NWD1: variants seen among roughly 807,000 people sequenced by gnomAD.
NWD1 encodes NACHT and WD repeat domain containing 1.
In NWD1, 129 loss-of-function variants were observed where a neutral mutation model predicts 135.1. The ratio of observed to expected loss-of-function variants is 0.96; its 90% CI spans 0.83 to 1.11. NWD1 has a LOEUF of 1.11. Ranked by LOEUF, NWD1 falls within the 50% of genes least tolerant of loss-of-function variation. The pLI is 0.00. For missense variants in NWD1, 1,740 were observed against 1,851.3 expected (o/e 0.94, Z 1.10); for synonymous variants, 773 against 786.0 (o/e 0.98, Z 0.28).
At chr19:16,735,309 G>C (rs1461732857) in intron 3 of NWD1, among the ~76,000 whole-genome samples, 1 of 152,036 alleles carries the variant, frequency 6.6e-6, no homozygotes, top group Non-Finnish European at 1.5e-5. Context: ...TTTGAGACCA[G>C]CCTGGCCAAC....
chr19:16,766,016 C>CAAAAAAAAA (rs35265751), intron 10 of NWD1, among the ~76,000 whole-genome samples: 4 of 91,688 alleles, frequency 4.4e-5, no homozygotes, highest in Non-Finnish European at 1.0e-4. Context: ...GACTCCGTCT[C>CAAAAAAAAA]AAAAAAAAAA....
At chr19:16,737,964 C>CAA (rs147713373) in intron 4 of NWD1, among the ~76,000 whole-genome samples, 1 of 124,540 alleles carries the variant, frequency 8.0e-6, no homozygotes, top group Admixed American at 8.2e-5. Context: ...GACTCTATCT[C>CAA]GAAAAGAAAA....
intron 3 of NWD1, among the ~76,000 whole-genome samples, chr19:16,734,568 T>TC (rs937824622): frequency 6.7e-6 from 1 of 150,348 alleles, no homozygotes; most frequent in Non-Finnish European, 1.5e-5. Context: ...TCTTTTTTTT[T>TC]TTCTTTTTTC....
intron 13 of NWD1, 23 bp from the exon 14 acceptor site, chr19:16,791,327 C>T: frequency 6.2e-7 from 1 of 1,604,480 alleles, no homozygotes. Flanking sequence ...CAAGATGCTG[C>T]TTCCTCTTCA....
At chr19:16,748,798 TG>T in intron 5 of NWD1, among the ~76,000 whole-genome samples, 1 of 152,138 alleles carries the variant, frequency 6.6e-6, no homozygotes, top group Admixed American at 6.6e-5. Context: ...CACTCCAGCC[TG>T]GGTGACAGAG....
chr19:16,766,657 C>G (rs1319915803), intron 10 of NWD1, among the ~76,000 whole-genome samples: 1 of 152,038 alleles, frequency 6.6e-6, no homozygotes, highest in Non-Finnish European at 1.5e-5. Flanking sequence ...ATGATCTCAG[C>G]TCACTGCAAC....
intron 10 of NWD1, 51 bp from the exon 11 acceptor site, chr19:16,773,075 G>A: frequency 6.7e-7 from 1 of 1,502,226 alleles, no homozygotes; most frequent in South Asian, 1.1e-5. Context: ...TTGGCAGGGA[G>A]GGTAGAGGGG....
chr19:16,790,249 A>T (rs1036409803), intron 13 of NWD1, among the ~76,000 whole-genome samples: 1 of 152,122 alleles, frequency 6.6e-6, no homozygotes, highest in African/African-American at 2.4e-5. Flanking sequence ...GTCATTCACC[A>T]TTCTGAGTCT....
At chr19:16,799,601 G>A (rs995088720) in intron 16 of NWD1, among the ~76,000 whole-genome samples, 3 of 151,986 alleles carry the variant, frequency 2.0e-5, no homozygotes, top group African/African-American at 7.3e-5. Flanking sequence ...CCACCTCCCG[G>A]GTTCAAGCGA....
At chr19:16,768,953 C>T (rs550267371) in intron 10 of NWD1, among the ~76,000 whole-genome samples, 2 of 152,316 alleles carry the variant, frequency 1.3e-5, no homozygotes, top group South Asian at 4.1e-4. Flanking sequence ...TGCTGTCTCT[C>T]CTCCAGACAG....
chr19:16,737,041 C>T (rs1397035700), intron 4 of NWD1, among the ~76,000 whole-genome samples: 2 of 151,998 alleles, frequency 1.3e-5, no homozygotes, highest in African/African-American at 4.8e-5. Context: ...CCTTCCCCAC[C>T]CCCTCCACTT....
intron 8 of NWD1, 62 bp downstream of exon 8, chr19:16,762,200 C>T (rs1487741573): frequency 1.6e-5 from 24 of 1,491,352 alleles, no homozygotes; most frequent in South Asian, 2.4e-5. Flanking sequence ...CATTGCTCAC[C>T]TCCTTCCTTC....
At chr19:16,745,628 C>T (rs1379533439) in intron 5 of NWD1, among the ~76,000 whole-genome samples, 2 of 151,310 alleles carry the variant, frequency 1.3e-5, no homozygotes, top group Non-Finnish European at 2.9e-5. Flanking sequence ...TAGTCCCAGC[C>T]ACTCAGGAGG....
intron 6 of NWD1, among the ~76,000 whole-genome samples, chr19:16,751,276 T>C (rs1342857191): frequency 6.6e-6 from 1 of 150,928 alleles, no homozygotes; most frequent in African/African-American, 2.4e-5. Context: ...TCTGGGGCCA[T>C]TGCTCAGAGA....
intron 4 of NWD1, among the ~76,000 whole-genome samples, chr19:16,737,705 G>C (rs1012814515): frequency 3.3e-5 from 5 of 151,714 alleles, no homozygotes; most frequent in African/African-American, 1.2e-4. Flanking sequence ...CGGGCGTGGT[G>C]GCTCACACCT....
Position 16,720,051 on chromosome 19 carries a change from T to A in NWD1, c.-347T>A, listed in dbSNP as rs1450473027. On this transcript the variant is annotated 5_prime_UTR_variant, in exon 1 of 19. Transcript: ENST00000524140. The stretch of plus-strand genomic sequence containing the variant: ...GGAGCCCCCAGGACAGCCAGAACGC[T>A]GACACTGCAAAGGGCCTCTGTCCTT... 1 of 152,206 alleles carries A rather than the reference T, an allele frequency of 6.6e-6. No individual in the cohort carries two copies. Among genetic ancestry groups the A allele is most frequent in the Admixed American group, 6.6e-5 (1 of 15,254 alleles). 9.4% of individuals were successfully genotyped at this position (152,206 alleles called of 1,614,324 possible). A position where few individuals can be genotyped will look rare whatever the true frequency, so the allele number is the denominator to read the frequency against.
At chr19:16,806,909 C>T (rs773748021) in intron 17 of NWD1, among the ~76,000 whole-genome samples, 5 of 151,446 alleles carry the variant, frequency 3.3e-5, no homozygotes, top group East Asian at 2.0e-4. Flanking sequence ...CCCAGCTACC[C>T]GGGAGACTGA....
intron 17 of NWD1, chr19:16,801,289 A>AT (rs1970595246): frequency 1.3e-5 from 2 of 152,482 alleles, no homozygotes; most frequent in Admixed American, 1.3e-4. Flanking sequence ...CAAAAAAAAA[A>AT]TTAGCTGGAT....
Position 16,750,317 on chromosome 19 carries a change from G to T in NWD1, c.1675G>T (p.Ala559Ser), listed in dbSNP as rs560096144. 1.2e-6 allele frequency: 2 copies of T among 1,613,210 alleles called. No individual in the cohort carries two copies. Among genetic ancestry groups the T allele is most frequent in the African/African-American group, 2.7e-5 (2 of 74,910 alleles). ...FTVPVPLATT[A>S]EEATHQLCTR... is the part of the protein sequence containing the mutation. ...CGTGCCTGTCCCGCTGGCCACCACC[G>T]CAGAGGAAGCCACGCACCAACTCTG... Residue 559 changes from alanine to serine, a missense_variant, in exon 6 of 19, where the codon GCA (alanine) becomes TCA (serine). Transcript: ENST00000524140.
Sources: allele counts gnomAD v4.1 joint callset (sites outside exome capture counted in the v4.1 genomes callset), GRCh38; gene constraint gnomAD v4.1.1; transcripts MANE v1.5; gene names NCBI Gene and HGNC (gene_info 2026-07-23, HGNC 2026-07-21).